AKT2: variants seen among roughly 807,000 people sequenced by gnomAD.
The protein encoded by AKT2 is RAC-beta serine/threonine-protein kinase.
A neutral mutation model predicts 58.6 loss-of-function variants in AKT2; 16 were observed. The observed-to-expected ratio is 0.27, with a 90% CI of 0.18 to 0.41. AKT2 has a LOEUF of 0.41. Ranked by LOEUF, AKT2 falls within the 10% of genes least tolerant of loss-of-function variation. AKT2 has a pLI of 1.00. For missense variants in AKT2, 438 were observed against 661.0 expected (o/e 0.66, Z 3.70); for synonymous variants, 253 against 254.0 (o/e 1.00, Z 0.04).
chr19:40,285,011 C>G (rs954741536), intron 1 of AKT2, 170 bp downstream of exon 1: 2 of 377,346 alleles, frequency 5.3e-6, no homozygotes, highest in East Asian at 3.8e-5. Flanking sequence ...CCCCCCGAGG[C>G]TGGTCCCACC....
rs1206035617 is a variant in AKT2, at chr19:40,236,264, G to A, written c.953C>T (p.Ala318Val). Residue 318 changes from alanine to valine, a missense_variant, in exon 10 of 14, where the codon GCG (alanine) becomes GTG (valine). Ala to Val is a moderately conservative substitution (Grantham distance 64). Around this residue, in one of 3 missense-constraint regions of AKT2, gnomAD observed 46 missense variants for 114.5 expected, o/e 0.40. Transcript: ENST00000392038. Reference protein sequence around the residue: ...KTFCGTPEYLAPEVLEDNDYG... With the variant: ...KTFCGTPEYLVPEVLEDNDYG... ...CCCACCAACCCCAGACACCTCAGGC[G>A]CCAGGTACTCCGGGGTCCCACAGAA... 4 of 1,613,726 alleles carry A rather than the reference G, an allele frequency of 2.5e-6. No individual in the cohort carries two copies. Among genetic ancestry groups the A allele is most frequent in the African/African-American group, 2.7e-5 (2 of 74,902 alleles).
intron 1 of AKT2, chr19:40,274,767 G>A (rs1382738909): frequency 1.2e-5 from 4 of 327,086 alleles, no homozygotes; most frequent in African/African-American, 2.2e-5. Context: ...AGGAGTGGGT[G>A]AAGGGGAGGG....
intron 1 of AKT2, chr19:40,280,828 C>T (rs950305692): frequency 1.3e-5 from 2 of 152,492 alleles, no homozygotes; most frequent in Middle Eastern, 3.4e-3. Flanking sequence ...CAGCCGCATG[C>T]ATCTAAAGAA....
chr19:40,235,119 G>A lies in AKT2; in HGVS notation c.1292C>T (p.Thr431Met), dbSNP rs375739695. Residue 431 changes from threonine to methionine, a missense_variant, in exon 13 of 14, where the codon ACG becomes ATG. Around this residue, in one of 3 missense-constraint regions of AKT2, gnomAD observed 148 missense variants for 199.5 expected, o/e 0.74. Transcript: ENST00000392038. This position sits in a 1 kb window ranked among gnomAD's most constrained non-coding sequence, Gnocchi z 6.3. ...KLLPPFKPQV[T>M]SEVDTRYFDD... is the part of the protein sequence containing the mutation. ...GAAGTACCTTGTGTCGACCTCGGAC[G>A]TGACCTGAGGTTTGAAGGGTGGCAG... 8.1e-6 allele frequency: 13 copies of A among 1,613,958 alleles called. No individual in the cohort carries two copies. Among genetic ancestry groups the A allele is most frequent in the African/African-American group, 5.3e-5 (4 of 74,884 alleles).
chr19:40,262,780 CA>C (rs1386393132), intron 2 of AKT2, among the ~76,000 whole-genome samples: 1 of 152,224 alleles, frequency 6.6e-6, no homozygotes, highest in African/African-American at 2.4e-5. Context: ...TCAACAAAAT[CA>C]GGCTTGCCTA....
Position 40,237,537 on chromosome 19 carries a change from C to G in AKT2, c.831+432G>C, listed in dbSNP as rs547167711. 3 of 183,484 alleles carry G rather than the reference C, an allele frequency of 1.6e-5. No individual in the cohort carries two copies. The highest frequency in any genetic ancestry group is 1.5e-4 in the East Asian group (1 of 6,724). 11.4% of individuals were successfully genotyped at this position (183,484 alleles called of 1,614,324 possible). A position where few individuals can be genotyped will look rare whatever the true frequency, so the allele number is the denominator to read the frequency against. ...GCGGGCACCTGTAATCCCACCTATT[C>G]GGGAGGCTGAGGCAGGACAATCGCT... On this transcript the variant is annotated intron_variant, in intron 9 of 13. Coordinates refer to ENST00000392038, the MANE Select transcript of AKT2 (RefSeq NM_001626.6). The surrounding 1 kb of genome is among the most constrained non-coding windows in gnomAD (Gnocchi z 4.5).
At chr19:40,262,078 C>G (rs1976006750) in intron 2 of AKT2, among the ~76,000 whole-genome samples, 1 of 151,868 alleles carries the variant, frequency 6.6e-6, no homozygotes, top group Admixed American at 6.6e-5. Flanking sequence ...AGGCATTTAT[C>G]TGTGGCCTTT....
chr19:40,263,970 C>A (rs767736808), intron 2 of AKT2, among the ~76,000 whole-genome samples: 6 of 152,192 alleles, frequency 3.9e-5, no homozygotes, highest in African/African-American at 1.4e-4. Flanking sequence ...CCCATCCTCA[C>A]GTTGCTTGTT....
chr19:40,282,953 C>A (rs2077450350), intron 1 of AKT2: 2 of 166,904 alleles, frequency 1.2e-5, no homozygotes, highest in South Asian at 1.3e-4. Context: ...TCTGGGAAAT[C>A]TTTGCACTTC....
chr19:40,256,388 C>T (rs922689459), intron 3 of AKT2, among the ~76,000 whole-genome samples: 9 of 152,064 alleles, frequency 5.9e-5, no homozygotes, highest in African/African-American at 1.9e-4. Flanking sequence ...GGAAGGAAGG[C>T]GGCAGAAAGG....
At chr19:40,246,346 G>A (rs1048086181) in intron 4 of AKT2, among the ~76,000 whole-genome samples, 3 of 152,078 alleles carry the variant, frequency 2.0e-5, no homozygotes, top group African/African-American at 7.2e-5. Flanking sequence ...GGATGGTCTC[G>A]ATCTCTTGAC....
At chr19:40,265,539 C>T (rs1976289112) in intron 1 of AKT2, 188 bp from the exon 2 acceptor site, 17 of 738,836 alleles carry the variant, frequency 2.3e-5, no homozygotes, top group Non-Finnish European at 3.4e-5. Flanking sequence ...ATGTCCCCAG[C>T]GACCCCAATC....
intron 7 of AKT2, 25 bp downstream of exon 7, chr19:40,240,020 G>C (rs745548634): frequency 6.2e-7 from 1 of 1,610,978 alleles, no homozygotes; most frequent in South Asian, 1.1e-5. Context: ...GCCTCACACT[G>C]TCTGGGAAGG....
At chr19:40,264,883 GCA>G (rs1483300715) in intron 2 of AKT2, among the ~76,000 whole-genome samples, 1 of 152,208 alleles carries the variant, frequency 6.6e-6, no homozygotes, top group East Asian at 1.9e-4. Context: ...ATCCGGCACA[GCA>G]CACAGTCAAT....
Position 40,235,311 on chromosome 19 carries a change from CT to C in AKT2, c.1214del (p.Glu405GlyfsTer170), listed in dbSNP as rs773224383. 6.2e-7 allele frequency: 1 copy of C among 1,613,936 alleles called. No individual in the cohort carries two copies. The highest frequency in any genetic ancestry group is 8.5e-7 in the Non-Finnish European group (1 of 1,180,038). On this transcript the variant is annotated frameshift_variant, in exon 12 of 14. Transcript: ENST00000392038. LOFTEE classifies it high-confidence loss of function. This position sits in a 1 kb window ranked among gnomAD's most constrained non-coding sequence, Gnocchi z 6.3. ...GGPSDAKEVMEHRFFLSINWQ... is the reference protein window; with the variant it reads ...GGPSDAKEVMXHRFFLSINWQ... ...AGTTGATGCTGAGGAAGAACCTGTGCTCCATGACCTCCTTGGCATCGCTGGG... is the reference window on the plus strand; with the variant it reads ...AGTTGATGCTGAGGAAGAACCTGTGCCCATGACCTCCTTGGCATCGCTGGG...
Position 40,238,463 on chromosome 19 carries a change from G to A in AKT2, c.709-372C>T, listed in dbSNP as rs1218568127. 6.6e-6 allele frequency among the ~76,000 whole-genome samples: 1 copy of A among 152,242 alleles called. No individual in the cohort carries two copies. The highest frequency in any genetic ancestry group is 2.4e-5 in the African/African-American group (1 of 41,466). On this transcript the variant is annotated intron_variant, in intron 8 of 13. Transcript: ENST00000392038. The surrounding 1 kb of genome is among the most constrained non-coding windows in gnomAD (Gnocchi z 5.1). ...AAGCAGGTGTGCCAACCACTGCACA[G>A]AGAAGGCGCGAGGCAAGGAGTGGGT... is the stretch of plus-strand genomic sequence containing the variant.
Position 40,233,858 on chromosome 19 carries a change from C to T in AKT2, c.*14G>A, listed in dbSNP as rs201359719. On this transcript the variant is annotated 3_prime_UTR_variant, in exon 14 of 14. Transcript: ENST00000392038. This position sits in a 1 kb window ranked among gnomAD's most constrained non-coding sequence, Gnocchi z 4.3. Reference sequence around the variant, plus strand: ...GATGGCAGCGAGCGTGCGTCCTCTGCGTGGGCAGACTGCTCACTCGCGGAT... The same window carrying T: ...GATGGCAGCGAGCGTGCGTCCTCTGTGTGGGCAGACTGCTCACTCGCGGAT... The T allele has an allele frequency of 3.9e-3, 6,331 of 1,609,246 alleles. 12 individuals are homozygous for T. The highest frequency in any genetic ancestry group is 4.6e-3 in the Non-Finnish European group (5,480 of 1,179,472).
At chr19:40,239,985 C>T in intron 7 of AKT2, 60 bp downstream of exon 7, 1 of 1,573,246 alleles carries the variant, frequency 6.4e-7, no homozygotes, top group Non-Finnish European at 8.7e-7. Context: ...TTAGGGCTCT[C>T]TCTCTGAGCT....
In AKT2 at chr19:40,230,716, G is replaced by GTTTT. The variant is rs374077112; in HGVS notation, c.*3152_*3155dup. ...TGTCTTTTTTAATAGCATGTATCAT[G>GTTTT]TTTTTTTTTTTTTTATTTTTAGAGA... On this transcript the variant is annotated 3_prime_UTR_variant, in exon 14 of 14. Coordinates refer to ENST00000392038, the MANE Select transcript of AKT2 (RefSeq NM_001626.6). 1.0e-4 allele frequency: 19 copies of GTTTT among 185,858 alleles called. No homozygotes were observed. Among genetic ancestry groups the GTTTT allele is most frequent in the African/African-American group, 3.6e-4 (15 of 41,102 alleles). 11.5% of individuals were successfully genotyped at this position (185,858 alleles called of 1,614,324 possible). A position where few individuals can be genotyped will look rare whatever the true frequency, so the allele number is the denominator to read the frequency against.
Sources: allele counts gnomAD v4.1 joint callset (sites outside exome capture counted in the v4.1 genomes callset), GRCh38; gene constraint gnomAD v4.1.1; regional missense constraint gnomAD v4.1.1; non-coding constraint Gnocchi (gnomAD v3.1); transcripts MANE v1.5; gene names NCBI Gene and HGNC (gene_info 2026-07-23, HGNC 2026-07-21).